Variants in KIAA1217 observed in about 807,000 individuals in gnomAD.
The protein encoded by KIAA1217 is KIAA1217.
A neutral mutation model predicts 163.9 loss-of-function variants in KIAA1217; 88 were observed. That is an observed-to-expected ratio of 0.54 (90% CI 0.45 to 0.64). KIAA1217 has a LOEUF of 0.64. Among genes scored for constraint, KIAA1217 ranks in the 30% least tolerant of loss-of-function variants. The pLI, the probability that KIAA1217 is intolerant of heterozygous loss-of-function variation, is 0.00. For missense variants in KIAA1217, 2,372 were observed against 2,475.0 expected (o/e 0.96, Z 0.88); for synonymous variants, 903 against 923.1 (o/e 0.98, Z 0.39).
intron 1 of KIAA1217, among the ~76,000 whole-genome samples, chr10:23,706,739 G>A (rs1226700854): frequency 2.6e-5 from 4 of 152,128 alleles, no homozygotes; most frequent in Admixed American, 6.5e-5. Context: ...TCTGGTTTGA[G>A]TGTCAGGATA....
chr10:24,222,877 C>T (rs2069854494), intron 2 of KIAA1217, among the ~76,000 whole-genome samples: 1 of 152,156 alleles, frequency 6.6e-6, no homozygotes. Context: ...CTGAGGGCTG[C>T]TGGTTGCCCA....
At chr10:24,369,193 G>GTGTGTGTA in intron 2 of KIAA1217, among the ~76,000 whole-genome samples, 1 of 146,192 alleles carries the variant, frequency 6.8e-6, no homozygotes, top group Non-Finnish European at 1.5e-5. Context: ...GTGTGTGTGT[G>GTGTGTGTA]TGTGTGTGTG....
chr10:24,032,202 T>C (rs1376895865), intron 2 of KIAA1217, among the ~76,000 whole-genome samples: 2 of 152,328 alleles, frequency 1.3e-5, no homozygotes, highest in African/African-American at 2.4e-5. Context: ...CCTTGTAAGT[T>C]ACAGTCAAAG....
At chr10:24,084,275 C>A (rs551762519) in intron 2 of KIAA1217, among the ~76,000 whole-genome samples, 1 of 152,154 alleles carries the variant, frequency 6.6e-6, no homozygotes, top group Non-Finnish European at 1.5e-5. Context: ...ATTTGGTTCA[C>A]GATGTTTCAC....
chr10:24,149,656 A>T (rs2064509639), intron 2 of KIAA1217, among the ~76,000 whole-genome samples: 2 of 152,222 alleles, frequency 1.3e-5, no homozygotes, highest in African/African-American at 4.8e-5. Flanking sequence ...GTACACAAAT[A>T]CACTTAGCTA....
intron 1 of KIAA1217, among the ~76,000 whole-genome samples, chr10:23,794,635 A>G (rs1459819473): frequency 6.6e-6 from 1 of 152,220 alleles, no homozygotes; most frequent in Admixed American, 6.5e-5. Flanking sequence ...ATTTCAGAAC[A>G]AAATTTTAGA....
intron 10 of KIAA1217, among the ~76,000 whole-genome samples, chr10:24,519,356 C>G (rs1024731812): frequency 1.3e-5 from 2 of 152,148 alleles, no homozygotes; most frequent in African/African-American, 4.8e-5. Context: ...CTAGCATTCC[C>G]CTCTATCCAC....
intron 2 of KIAA1217, among the ~76,000 whole-genome samples, chr10:24,337,036 C>A (rs1420458614): frequency 5.9e-5 from 9 of 151,884 alleles, no homozygotes; most frequent in African/African-American, 1.7e-4. Flanking sequence ...AAAACACAGG[C>A]GACAAAAGAA....
intron 2 of KIAA1217, among the ~76,000 whole-genome samples, chr10:24,350,868 A>G (rs2134008846): frequency 6.6e-6 from 1 of 151,272 alleles, no homozygotes; most frequent in African/African-American, 2.4e-5. Context: ...TCTTAATTGC[A>G]AGGGTCGTTT....
chr10:24,227,164 T>TATTATTATTATTATC (rs1349351194), intron 2 of KIAA1217, among the ~76,000 whole-genome samples: 2 of 151,064 alleles, frequency 1.3e-5, no homozygotes, highest in African/African-American at 4.9e-5. Flanking sequence ...TTATTATTAT[T>TATTATTATTATTATC]ATCATTATTT....
chr10:24,159,626 C>CA (rs2065030126), intron 2 of KIAA1217, among the ~76,000 whole-genome samples: 1 of 149,386 alleles, frequency 6.7e-6, no homozygotes, highest in African/African-American at 2.5e-5. Context: ...AAAAAAAATG[C>CA]AAAAAAATTA....
At chr10:23,862,612 A>T (rs1281630861) in intron 1 of KIAA1217, among the ~76,000 whole-genome samples, 1 of 152,168 alleles carries the variant, frequency 6.6e-6, no homozygotes, top group African/African-American at 2.4e-5. Context: ...GAAAACAGTA[A>T]TAAAAATTAG....
At chr10:24,023,798 A>G (rs1304012283) in intron 2 of KIAA1217, among the ~76,000 whole-genome samples, 1 of 151,802 alleles carries the variant, frequency 6.6e-6, no homozygotes, top group Non-Finnish European at 1.5e-5. Flanking sequence ...AAAAACACAA[A>G]TACGTATGAC....
intron 2 of KIAA1217, among the ~76,000 whole-genome samples, chr10:24,137,556 C>T (rs1206261741): frequency 3.3e-5 from 5 of 152,206 alleles, no homozygotes; most frequent in African/African-American, 9.6e-5. Context: ...TTTGCCCAGA[C>T]TTTGTTTTAA....
intron 2 of KIAA1217, among the ~76,000 whole-genome samples, chr10:24,340,608 C>T (rs1317213210): frequency 1.3e-5 from 2 of 152,100 alleles, no homozygotes; most frequent in Admixed American, 1.3e-4. Flanking sequence ...TTCCCTCCAC[C>T]CACATCTCTT....
intron 5 of KIAA1217, among the ~76,000 whole-genome samples, chr10:24,444,669 T>C (rs2060776784): frequency 6.6e-6 from 1 of 152,204 alleles, no homozygotes; most frequent in African/African-American, 2.4e-5. Flanking sequence ...TTTTCTATCA[T>C]TAATGAGGAC....
At chr10:23,964,699 G>A (rs1256488862) in intron 1 of KIAA1217, among the ~76,000 whole-genome samples, 1 of 152,012 alleles carries the variant, frequency 6.6e-6, no homozygotes, top group Non-Finnish European at 1.5e-5. Flanking sequence ...GGGGCTTCAG[G>A]TGCATGCCAC....
At position 24,407,257 on chromosome 10, in the gene KIAA1217, C is replaced by CGTGT. The variant is rs10545826; in HGVS notation, c.554-25712_554-25709dup. ...TTACTTTGTGTCCTTGATGAAGATACGTGTGTGTGTGTGTGTGTGTGTGTG... is the reference window on the plus strand; with the variant it reads ...TTACTTTGTGTCCTTGATGAAGATACGTGTGTGTGTGTGTGTGTGTGTGTGTGTG... On this transcript the variant is annotated intron_variant, in intron 3 of 20. Coordinates refer to ENST00000376454, the MANE Select transcript of KIAA1217 (RefSeq NM_019590.5). 5.2e-3 allele frequency among the ~76,000 whole-genome samples: 763 copies of CGTGT among 147,810 alleles called. 1 individual carries two copies. Among genetic ancestry groups the CGTGT allele is most frequent in the African/African-American group, 0.015 (617 of 40,596 alleles).
intron 1 of KIAA1217, among the ~76,000 whole-genome samples, chr10:23,835,994 T>G (rs1197944179): frequency 6.6e-6 from 1 of 152,168 alleles, no homozygotes; most frequent in African/African-American, 2.4e-5. Context: ...GAGTTGGATA[T>G]AGGGTCTTTA....
Sources: allele counts gnomAD v4.1 joint callset (sites outside exome capture counted in the v4.1 genomes callset), GRCh38; gene constraint gnomAD v4.1.1; transcripts MANE v1.5; gene names NCBI Gene and HGNC (gene_info 2026-07-23, HGNC 2026-07-21).